PTPRN2: variants seen among roughly 807,000 people sequenced by gnomAD.
PTPRN2 encodes the protein receptor-type tyrosine-protein phosphatase N2.
Under a neutral mutation model 118.8 loss-of-function variants are expected in PTPRN2, and 74 were observed. The observed-to-expected ratio is 0.62, with a 90% confidence interval of 0.52 to 0.76. PTPRN2 has a LOEUF of 0.76. Among genes scored for constraint, PTPRN2 ranks in the 30% least tolerant of loss-of-function variants. The probability of loss-of-function intolerance (pLI) is 0.00; values close to 1 mark genes in which losing one functional copy is unlikely to be tolerated. For synonymous variants in PTPRN2, 641 were observed against 608.0 expected (o/e 1.05, Z -0.80); for missense variants, 1,481 against 1,394.4 (o/e 1.06, Z -0.99).
chr7:158,544,410 T>TGGGTCA lies in PTPRN2; in HGVS notation c.112+43147_112+43148insTGACCC, dbSNP rs1486772614. Among the ~76,000 whole-genome samples, 1 of 152,068 alleles carries TGGGTCA rather than the reference T, an allele frequency of 6.6e-6. No individual in the cohort carries two copies. The highest frequency in any genetic ancestry group is 1.5e-5 in the Non-Finnish European group (1 of 68,006). ...CAGCACTTTGGGAGGCCAAGGCGGATGGATCACTTGAGGTCAGGAGTTTGA... is the reference window on the plus strand; with the variant it reads ...CAGCACTTTGGGAGGCCAAGGCGGATGGGTCAGGATCACTTGAGGTCAGGAGTTTGA... On this transcript the variant is annotated intron_variant, in intron 1 of 22. Transcript: ENST00000389418. This position sits in a 1 kb window ranked among gnomAD's most constrained non-coding sequence, Gnocchi z 4.2.
At chr7:158,101,779 G>A (rs1815247595) in intron 10 of PTPRN2, among the ~76,000 whole-genome samples, 1 of 152,186 alleles carries the variant, frequency 6.6e-6, no homozygotes, top group African/African-American at 2.4e-5. Flanking sequence ...TCCAATCAGT[G>A]TGGACAGCAA....
At chr7:157,825,192 G>A (rs1235120722) in intron 12 of PTPRN2, among the ~76,000 whole-genome samples, 1 of 152,188 alleles carries the variant, frequency 6.6e-6, no homozygotes, top group Non-Finnish European at 1.5e-5. Flanking sequence ...GGCAACCCAA[G>A]TGAGAGTTGT....
chr7:157,651,726 G>A (rs1805676526), intron 14 of PTPRN2, among the ~76,000 whole-genome samples: 1 of 152,224 alleles, frequency 6.6e-6, no homozygotes, highest in Non-Finnish European at 1.5e-5. Flanking sequence ...GAGAAGCCAC[G>A]TCCCCGCAGA....
intron 3 of PTPRN2, among the ~76,000 whole-genome samples, chr7:158,236,699 TC>T (rs1795571064): frequency 6.6e-6 from 1 of 152,124 alleles, no homozygotes; most frequent in Non-Finnish European, 1.5e-5. Context: ...GTGCAACCTG[TC>T]CCCGCCTGGT....
intron 19 of PTPRN2, among the ~76,000 whole-genome samples, chr7:157,573,579 T>C (rs942293113): frequency 1.3e-5 from 2 of 152,156 alleles, no homozygotes; most frequent in African/African-American, 4.8e-5. Context: ...AGATACCCTT[T>C]AAGAAAGTGT....
At chr7:158,371,234 T>C (rs1809965529) in intron 2 of PTPRN2, among the ~76,000 whole-genome samples, 1 of 151,974 alleles carries the variant, frequency 6.6e-6, no homozygotes, top group South Asian at 2.1e-4. Context: ...GTAAAACCTT[T>C]TTTTGGTAGG....
intron 12 of PTPRN2, among the ~76,000 whole-genome samples, chr7:157,867,679 C>T (rs1471817131): frequency 1.3e-5 from 2 of 152,294 alleles, no homozygotes; most frequent in Non-Finnish European, 2.9e-5. Context: ...ACTAGATTCA[C>T]GTAAATCAAC....
chr7:158,024,937 G>A (rs1004304374), intron 11 of PTPRN2, among the ~76,000 whole-genome samples: 1 of 152,204 alleles, frequency 6.6e-6, no homozygotes, highest in African/African-American at 2.4e-5. Flanking sequence ...AAAAGATTGA[G>A]TGGGGTTTGG....
intron 11 of PTPRN2, among the ~76,000 whole-genome samples, chr7:157,975,728 C>T (rs563712657): frequency 6.6e-6 from 1 of 152,306 alleles, no homozygotes; most frequent in African/African-American, 2.4e-5. Flanking sequence ...AGTCTAAAAC[C>T]TCACTGTCTT....
chr7:158,453,487 G>A (rs1483125021), intron 2 of PTPRN2, among the ~76,000 whole-genome samples: 1 of 152,120 alleles, frequency 6.6e-6, no homozygotes, highest in African/African-American at 2.4e-5. Context: ...TACAGTGCAG[G>A]GGGCACCACA....
rs1458532512 is a variant in PTPRN2 at position 157,801,052 on chromosome 7, TACAC to T, written c.1788+97617_1788+97620del. ...ATATACACATATATATACACATATA[TACAC>T]ATATATATACACATATATATACACA... On this transcript the variant is annotated intron_variant, in intron 12 of 22. Coordinates refer to ENST00000389418, the MANE Select transcript of PTPRN2 (RefSeq NM_002847.5). This position sits in a 1 kb window ranked among gnomAD's most constrained non-coding sequence, Gnocchi z 4.2. Among the ~76,000 whole-genome samples, 949 of 146,952 alleles carry T rather than the reference TACAC, an allele frequency of 6.5e-3. 6 individuals are homozygous for T. Among genetic ancestry groups the T allele is most frequent in the South Asian group, 0.024 (112 of 4,714 alleles).
At chr7:158,504,384 TC>T (rs199538805) in intron 1 of PTPRN2, among the ~76,000 whole-genome samples, 31 of 151,440 alleles carry the variant, frequency 2.0e-4, no homozygotes, top group Middle Eastern at 3.4e-3. Flanking sequence ...TCTGTGTCGT[TC>T]CCCCCCCATG....
intron 13 of PTPRN2, among the ~76,000 whole-genome samples, chr7:157,657,270 A>G (rs62648722): frequency 0.73 from 29,150 of 39,870 alleles, 10,496 homozygotes; most frequent in Non-Finnish European, 0.78. Context: ...ACACACATAC[A>G]CCACACACAC....
At chr7:158,164,793 T>C (rs1350949601) in intron 6 of PTPRN2, among the ~76,000 whole-genome samples, 3 of 151,768 alleles carry the variant, frequency 2.0e-5, no homozygotes, top group Non-Finnish European at 2.9e-5. Flanking sequence ...AGAAGGAGTA[T>C]AGAGGTGGGA....
rs575200549 is a variant in PTPRN2 at position 157,877,372 on chromosome 7, T to C, written c.1788+21301A>G. Among the ~76,000 whole-genome samples, 4 of 138,812 alleles carry C rather than the reference T, an allele frequency of 2.9e-5. No homozygotes were observed. The East Asian group carries it at 8.7e-4, about 30-fold the overall frequency. 91.1% of individuals were successfully genotyped at this position (138,812 alleles called of 152,430 possible). ...CCCGGGTCCGAGTGCCACACTAGAGTTTTCTCGGGGACCCGAGATCTGAGT... is the reference window on the plus strand; with the variant it reads ...CCCGGGTCCGAGTGCCACACTAGAGCTTTCTCGGGGACCCGAGATCTGAGT... On this transcript the variant is annotated intron_variant, in intron 12 of 22. Coordinates refer to ENST00000389418, the MANE Select transcript of PTPRN2 (RefSeq NM_002847.5).
At chr7:157,939,396 TA>T (rs1239075025) in intron 11 of PTPRN2, among the ~76,000 whole-genome samples, 3 of 152,242 alleles carry the variant, frequency 2.0e-5, no homozygotes, top group Non-Finnish European at 4.4e-5. Context: ...CAGAAAGTGC[TA>T]GAACAGAGCT....
At chr7:157,980,978 T>A (rs1468164605) in intron 11 of PTPRN2, among the ~76,000 whole-genome samples, 3 of 147,730 alleles carry the variant, frequency 2.0e-5, no homozygotes, top group South Asian at 2.2e-4. Context: ...CCACACGGGC[T>A]CTGGGGACAG....
intron 2 of PTPRN2, among the ~76,000 whole-genome samples, chr7:158,344,835 A>C (rs1247550502): frequency 6.6e-6 from 1 of 152,206 alleles, no homozygotes; most frequent in Non-Finnish European, 1.5e-5. Context: ...ATGAGAAATC[A>C]GGCACCAGCT....
intron 18 of PTPRN2, among the ~76,000 whole-genome samples, chr7:157,577,271 A>G (rs1800108077): frequency 6.6e-6 from 1 of 152,198 alleles, no homozygotes; most frequent in South Asian, 2.1e-4. Flanking sequence ...ACCCCAGCGC[A>G]GGCACTTCCG....
Sources: allele counts gnomAD v4.1 joint callset (sites outside exome capture counted in the v4.1 genomes callset), GRCh38; gene constraint gnomAD v4.1.1; non-coding constraint Gnocchi (gnomAD v3.1); transcripts MANE v1.5; gene names NCBI Gene and HGNC (gene_info 2026-07-23, HGNC 2026-07-21).